Variants in NOXRED1 observed in about 807,000 individuals in gnomAD.
NOXRED1 encodes NADP-dependent oxidoreductase domain-containing protein 1.
A neutral mutation model predicts 30.4 loss-of-function variants in NOXRED1; 20 were observed. That is an observed-to-expected ratio of 0.66 (90% confidence interval 0.46 to 0.96). The LOEUF (loss-of-function observed/expected upper bound fraction) is 0.96, where lower values mean the gene tolerates loss of function less well. NOXRED1 is among the 40% of genes least tolerant of loss of function. The pLI, the probability that NOXRED1 is intolerant of heterozygous loss-of-function variation, is 0.00. For synonymous variants in NOXRED1, 155 were observed against 168.0 expected (o/e 0.92, Z 0.60); for missense variants, 374 against 428.0 (o/e 0.87, Z 1.11).
intron 4 of NOXRED1, chr14:77,406,496 A>G (rs1387069645): frequency 3.3e-6 from 2 of 614,988 alleles, no homozygotes; most frequent in Non-Finnish European, 5.8e-6. Context: ...GAAATAAGCT[A>G]TCTCCTCTTT....
intron 1 of NOXRED1, among the ~76,000 whole-genome samples, chr14:77,421,359 T>C (rs767121401): frequency 6.6e-6 from 1 of 152,226 alleles, no homozygotes; most frequent in Non-Finnish European, 1.5e-5. Flanking sequence ...AGTCTGGAGC[T>C]TCCTATTTCT....
chr14:77,416,822 G>A (rs1296042085), intron 1 of NOXRED1, among the ~76,000 whole-genome samples: 16 of 151,850 alleles, frequency 1.1e-4, no homozygotes, highest in Non-Finnish European at 1.6e-4. Flanking sequence ...GCGGCTGGCC[G>A]GGCGGGGGGC....
At chr14:77,420,142 C>A (rs1391446321) in intron 1 of NOXRED1, among the ~76,000 whole-genome samples, 7 of 152,058 alleles carry the variant, frequency 4.6e-5, no homozygotes, top group African/African-American at 1.7e-4. Flanking sequence ...TGTAAGTCCT[C>A]TAGATTTTCT....
intron 5 of NOXRED1, among the ~76,000 whole-genome samples, chr14:77,400,102 G>T (rs1013610940): frequency 6.6e-6 from 1 of 152,092 alleles, no homozygotes; most frequent in Admixed American, 6.6e-5. Flanking sequence ...CACTAACCTA[G>T]AACTCTGTGC....
At chr14:77,408,035 T>A (rs1014439901) in intron 2 of NOXRED1, among the ~76,000 whole-genome samples, 14 of 151,910 alleles carry the variant, frequency 9.2e-5, no homozygotes, top group African/African-American at 3.4e-4. Flanking sequence ...GCCCAGTTAG[T>A]CTTTGTATTT....
chr14:77,401,028 T>G (rs1264573297), intron 5 of NOXRED1, among the ~76,000 whole-genome samples: 3 of 152,180 alleles, frequency 2.0e-5, no homozygotes, highest in African/African-American at 7.2e-5. Flanking sequence ...TTCAACGCAA[T>G]GCCAATCAAA....
chr14:77,421,905 T>C (rs781597567), intron 1 of NOXRED1, among the ~76,000 whole-genome samples: 17 of 152,216 alleles, frequency 1.1e-4, no homozygotes, highest in Non-Finnish European at 2.1e-4. Context: ...AAATATAAAA[T>C]GCCACCTGCA....
upstream of NOXRED1, among the ~76,000 whole-genome samples, chr14:77,423,769 T>A (rs1462618436): frequency 2.0e-5 from 3 of 152,188 alleles, no homozygotes; most frequent in Non-Finnish European, 2.9e-5. Flanking sequence ...ATCTTACAGA[T>A]CTTAGCACTA....
At position 77,414,054 on chromosome 14, in the gene NOXRED1, ACT is replaced by A; in HGVS notation, c.227_228del (p.Glu76ValfsTer2). ...CCACCTCCAATGATGCCCACCTTAA[ACT>A]CTTCAGGAGTGGCTGAATTAAGGGA... ...IGSLNSATPE[E>X]FKVGIIGGGH... is the part of the protein sequence containing the mutation. On this transcript the variant is annotated frameshift_variant, in exon 2 of 6. Transcript: ENST00000380835. LOFTEE classifies it high-confidence loss of function. 17 of 1,611,626 alleles carry A rather than the reference ACT, an allele frequency of 1.1e-5. No homozygotes were observed. Among genetic ancestry groups the A allele is most frequent in the Non-Finnish European group, 1.4e-5 (17 of 1,178,332 alleles).
chr14:77,401,120 A>T (rs1432502766), intron 5 of NOXRED1, among the ~76,000 whole-genome samples: 3 of 152,256 alleles, frequency 2.0e-5, no homozygotes, highest in Non-Finnish European at 4.4e-5. Flanking sequence ...CATGCCTGTA[A>T]TCCCAGCACT....
At chr14:77,422,643 AC>A (rs1450431246) in intron 1 of NOXRED1, 91 bp downstream of exon 1, 3 of 1,273,478 alleles carry the variant, frequency 2.4e-6, no homozygotes, top group Non-Finnish European at 3.4e-6. Flanking sequence ...CACCAGCCAA[AC>A]TTACCCTCCA....
chr14:77,422,659 A>T, intron 1 of NOXRED1, 76 bp downstream of exon 1: 1 of 1,434,050 alleles, frequency 7.0e-7, no homozygotes, highest in Non-Finnish European at 9.8e-7. Context: ...CCTCCAATAT[A>T]AAAAAAATTT....
intron 2 of NOXRED1, among the ~76,000 whole-genome samples, chr14:77,410,560 G>A (rs968405304): frequency 6.6e-6 from 1 of 152,014 alleles, no homozygotes; most frequent in Non-Finnish European, 1.5e-5. Flanking sequence ...GTAGTGAGCC[G>A]AGATCATGCC....
At chr14:77,409,789 G>A (rs994280087) in intron 2 of NOXRED1, among the ~76,000 whole-genome samples, 4 of 151,710 alleles carry the variant, frequency 2.6e-5, no homozygotes, top group Non-Finnish European at 5.9e-5. Context: ...CTATTGATGG[G>A]ATAAAGATAT....
rs546299858 is a variant in NOXRED1 at position 77,423,520 on chromosome 14, T to C, written c.-631A>G. ...CCTCAGTACTTCTGATCCTGGAAGGTAAGAACTACATTTCTAAGGAGAATT... is the reference window on the plus strand; with the variant it reads ...CCTCAGTACTTCTGATCCTGGAAGGCAAGAACTACATTTCTAAGGAGAATT... On this transcript the variant is annotated 5_prime_UTR_variant, in exon 1 of 6. Transcript: ENST00000380835. 1.5e-5 allele frequency: 2 copies of C among 133,034 alleles called. No homozygotes were observed. Among genetic ancestry groups the C allele is most frequent in the Admixed American group, 1.7e-4 (2 of 12,024 alleles). The allele number at this position is 133,034 out of a possible 1,614,324, so 8.2% of individuals were successfully genotyped here.
At position 77,405,952 on chromosome 14, in the gene NOXRED1, A is replaced by G. The variant is rs758462733; in HGVS notation, c.866T>C (p.Phe289Ser). 4 of 1,613,638 alleles carry G rather than the reference A, an allele frequency of 2.5e-6. No homozygotes were observed. In the South Asian group the frequency reaches 4.4e-5, roughly 18 times the overall value. ...ATTCTTGCCATAGGCTTTGCTGACA[A>G]AATCTGTTAATTGCAACTTTGGGCA... is the stretch of plus-strand genomic sequence containing the variant. The part of the protein sequence containing the change: ...ASCPKLQLTD[F>S]VSKAYGKNLS... Residue 289 changes from phenylalanine (F) to serine (S), a missense_variant, in exon 5 of 6, where the codon TTT (phenylalanine) becomes TCT (serine). Physicochemically the swap from Phe to Ser is radical, Grantham distance 155 (BLOSUM62 -2). Coordinates refer to ENST00000380835, the MANE Select transcript of NOXRED1 (RefSeq NM_001113475.3).
At chr14:77,396,198 G>T (rs142139033) in intron 5 of NOXRED1, among the ~76,000 whole-genome samples, 4 of 151,046 alleles carry the variant, frequency 2.6e-5, no homozygotes, top group Admixed American at 1.3e-4. Flanking sequence ...AAATGAAACC[G>T]TCTCTATTTA....
intron 2 of NOXRED1, among the ~76,000 whole-genome samples, chr14:77,413,239 C>CTTTT (rs869173262): frequency 7.3e-6 from 1 of 137,170 alleles, no homozygotes; most frequent in African/African-American, 2.7e-5. Context: ...CATTACAAAA[C>CTTTT]TTTTTTTTTT....
At chr14:77,399,776 A>C (rs1894276559) in intron 5 of NOXRED1, among the ~76,000 whole-genome samples, 1 of 152,186 alleles carries the variant, frequency 6.6e-6, no homozygotes, top group South Asian at 2.1e-4. Context: ...TGAGACTAGA[A>C]GGAGGAGAGA....
Sources: allele counts gnomAD v4.1 joint callset (sites outside exome capture counted in the v4.1 genomes callset), GRCh38; gene constraint gnomAD v4.1.1; transcripts MANE v1.5; gene names NCBI Gene and HGNC (gene_info 2026-07-23, HGNC 2026-07-21).